CPQ: variants seen among roughly 807,000 people sequenced by gnomAD.
CPQ encodes the protein Ser-Met dipeptidase.
In CPQ, 37 loss-of-function variants were observed where a neutral mutation model predicts 45.7. The observed-to-expected ratio is 0.81, with a 90% CI of 0.62 to 1.07. CPQ has a LOEUF of 1.07. Among genes scored for constraint, CPQ ranks in the 50% least tolerant of loss-of-function variants. CPQ has a pLI of 0.00. For synonymous variants in CPQ, 186 were observed against 205.8 expected (o/e 0.90, Z 0.82); for missense variants, 537 against 572.9 (o/e 0.94, Z 0.64).
chr8:96,941,481 A>AAT (rs1813122656), intron 4 of CPQ, among the ~76,000 whole-genome samples: 1 of 152,088 alleles, frequency 6.6e-6, no homozygotes, highest in East Asian at 1.9e-4. Flanking sequence ...GCACTCTATA[A>AAT]AGAGTTCTTT....
chr8:96,701,768 C>T (rs1015623494), intron 1 of CPQ, among the ~76,000 whole-genome samples: 3 of 152,118 alleles, frequency 2.0e-5, no homozygotes, highest in Non-Finnish European at 4.4e-5. Flanking sequence ...AGGGGATTTT[C>T]GGGTTGCCAG....
chr8:96,924,168 G>GGGGGTA (rs1812843437), intron 4 of CPQ, among the ~76,000 whole-genome samples: 1 of 152,144 alleles, frequency 6.6e-6, no homozygotes, highest in South Asian at 2.1e-4. Context: ...TGGTTGGGGT[G>GGGGGTA]GGGGTAGGGG....
intron 7 of CPQ, among the ~76,000 whole-genome samples, chr8:97,084,399 T>G (rs560947029): frequency 1.3e-5 from 2 of 152,332 alleles, no homozygotes; most frequent in East Asian, 3.9e-4. Flanking sequence ...ATCTTTTTCT[T>G]GAGGGAATCA....
At chr8:96,959,110 C>A (rs1315284580) in intron 4 of CPQ, among the ~76,000 whole-genome samples, 1 of 152,106 alleles carries the variant, frequency 6.6e-6, no homozygotes, top group Non-Finnish European at 1.5e-5. Flanking sequence ...ACAATACATT[C>A]AGCAACCACC....
At position 96,905,548 on chromosome 8, in the gene CPQ, A is replaced by AG; in HGVS notation, c.849+25545dup. ...AGAGGGAGAGGTGTGTGAAGAAAGC[A>AG]GGATGTTGAGAGCAGCGTGAGCCAA... On this transcript the variant is annotated intron_variant, in intron 4 of 7. Transcript: ENST00000220763. 2.0e-5 allele frequency among the ~76,000 whole-genome samples: 3 copies of AG among 152,254 alleles called. No individual in the cohort carries two copies. The South Asian group carries it at 6.2e-4, about 32-fold the overall frequency.
chr8:96,869,318 G>C (rs182864792), intron 3 of CPQ, among the ~76,000 whole-genome samples: 7 of 152,104 alleles, frequency 4.6e-5, no homozygotes, highest in Non-Finnish European at 8.8e-5. Context: ...ACAGCACTGG[G>C]CAATTGCTGC....
At chr8:96,919,553 G>A (rs1018569664) in intron 4 of CPQ, among the ~76,000 whole-genome samples, 1 of 152,108 alleles carries the variant, frequency 6.6e-6, no homozygotes, top group East Asian at 1.9e-4. Context: ...GAGAAGTTAT[G>A]TGTCAATGTT....
chr8:97,000,611 GT>G (rs1280186799), intron 5 of CPQ, among the ~76,000 whole-genome samples: 3 of 152,020 alleles, frequency 2.0e-5, no homozygotes, highest in Non-Finnish European at 2.9e-5. Flanking sequence ...GTCTGTTTTT[GT>G]ACCAGTACCA....
intron 3 of CPQ, among the ~76,000 whole-genome samples, chr8:96,846,304 C>T (rs1170579336): frequency 6.6e-6 from 1 of 152,126 alleles, no homozygotes; most frequent in Non-Finnish European, 1.5e-5. Flanking sequence ...AAAGTCTACT[C>T]CAGGCTTTTG....
At chr8:96,761,264 A>G (rs1462830180) in intron 1 of CPQ, 1 of 152,174 alleles carries the variant, frequency 6.6e-6, no homozygotes, top group African/African-American at 2.4e-5. Context: ...GATACGCACG[A>G]GCTAGCCTGA....
intron 2 of CPQ, among the ~76,000 whole-genome samples, chr8:96,799,508 A>G (rs1419573030): frequency 1.3e-5 from 2 of 152,128 alleles, no homozygotes; most frequent in East Asian, 3.9e-4. Context: ...CAGAATGAGC[A>G]GAAGTGCTCT....
intron 1 of CPQ, among the ~76,000 whole-genome samples, chr8:96,775,199 C>A (rs1022483316): frequency 3.9e-5 from 6 of 152,114 alleles, no homozygotes; most frequent in East Asian, 1.9e-4. Context: ...TAAATACATA[C>A]TTTCCCATCC....
intron 3 of CPQ, among the ~76,000 whole-genome samples, chr8:96,857,472 G>A (rs115132443): frequency 3.5e-4 from 53 of 152,262 alleles, no homozygotes; most frequent in African/African-American, 1.3e-3. Context: ...CTCAGATAAG[G>A]ATAAACGATC....
At chr8:96,657,961 A>G (rs1290946600) in intron 1 of CPQ, among the ~76,000 whole-genome samples, 1 of 152,166 alleles carries the variant, frequency 6.6e-6, no homozygotes, top group East Asian at 1.9e-4. Flanking sequence ...AATACATTGG[A>G]TCTATGTTAT....
chr8:96,720,449 G>A (rs1014726157), intron 1 of CPQ, among the ~76,000 whole-genome samples: 1 of 152,172 alleles, frequency 6.6e-6, no homozygotes, highest in Non-Finnish European at 1.5e-5. Flanking sequence ...ATTATTGGCT[G>A]ATCACATTGA....
intron 5 of CPQ, among the ~76,000 whole-genome samples, chr8:97,022,269 A>G (rs1448973550): frequency 6.6e-6 from 1 of 152,230 alleles, no homozygotes; most frequent in Non-Finnish European, 1.5e-5. Flanking sequence ...AAGACCTGAA[A>G]CTATAAAAAT....
At chr8:97,082,175 A>G (rs1179810858) in intron 7 of CPQ, among the ~76,000 whole-genome samples, 1 of 152,134 alleles carries the variant, frequency 6.6e-6, no homozygotes, top group Non-Finnish European at 1.5e-5. Context: ...GTTAGGACAC[A>G]TATTCTCTCT....
chr8:96,907,340 A>G (rs2130901545), intron 4 of CPQ, among the ~76,000 whole-genome samples: 1 of 152,246 alleles, frequency 6.6e-6, no homozygotes, highest in South Asian at 2.1e-4. Context: ...TGGAAAAGGG[A>G]CAGAGAACAT....
chr8:96,973,638 A>G (rs1384195075), intron 5 of CPQ, among the ~76,000 whole-genome samples: 2 of 152,194 alleles, frequency 1.3e-5, no homozygotes, highest in African/African-American at 2.4e-5. Context: ...GGTAACCTAT[A>G]AAGGGAAAAC....
Sources: gnomAD v4.1 joint callset for allele counts (sites outside exome capture counted in the v4.1 genomes callset) on GRCh38, gnomAD v4.1.1 for gene constraint, MANE v1.5 for transcripts, NCBI Gene and HGNC (gene_info 2026-07-23, HGNC 2026-07-21) for gene names.